Variants in IGF1R observed in about 807,000 individuals in gnomAD.
IGF1R encodes insulin-like growth factor 1 receptor.
Under a neutral mutation model 144.6 loss-of-function variants are expected in IGF1R, and 44 were observed. That is an observed-to-expected ratio of 0.30 (90% CI 0.24 to 0.39). The LOEUF is 0.39. IGF1R is among the 10% of genes least tolerant of loss of function. The pLI, the probability that IGF1R is intolerant of heterozygous loss-of-function variation, is 1.00. For missense variants in IGF1R, 1,355 were observed against 1,833.7 expected, an observed-to-expected ratio of 0.74 and a Z score of 4.77; for synonymous variants, 795 against 722.8, an observed-to-expected ratio of 1.10 and a Z score of -1.60.
intron 2 of IGF1R, among the ~76,000 whole-genome samples, chr15:98,827,647 A>G (rs2056918541): frequency 6.6e-6 from 1 of 152,206 alleles, no homozygotes; most frequent in Admixed American, 6.5e-5. Flanking sequence ...CAGTGGCGCA[A>G]TCTCAGCTCA....
Position 98,908,748 on chromosome 15 carries a change from C to T in IGF1R, c.1311C>T (p.Arg437=), listed in dbSNP as rs2014852193. 2 of 1,614,036 alleles carry T rather than the reference C, an allele frequency of 1.2e-6. No individual in the cohort carries two copies. The highest frequency in any genetic ancestry group is 2.7e-5 in the African/African-American group (2 of 74,906). ...AGCAACTGTGGGACTGGGACCACCG[C>T]AACCTGACCATCAAAGCAGGGAAAA... ...NLQQLWDWDH[R]NLTIKAGKMY... The change falls in exon 6 of 21, where the codon CGC becomes CGT. Residue 437 remains arginine, a synonymous_variant. Transcript: ENST00000650285.
chr15:98,690,021 T>C (rs117578794), intron 1 of IGF1R, among the ~76,000 whole-genome samples: 1,826 of 152,294 alleles, frequency 0.012, 17 homozygotes, highest in Non-Finnish European at 0.016. Flanking sequence ...TGAGGGTTTA[T>C]GATCATTTTC....
Position 98,712,519 on chromosome 15 carries a change from C to T in IGF1R, c.640+4412C>T, listed in dbSNP as rs373158353. 3.0e-4 allele frequency among the ~76,000 whole-genome samples: 45 copies of T among 152,204 alleles called. No individual in the cohort carries two copies. In the South Asian group the frequency reaches 8.7e-3, roughly 29 times the overall value. ...TGGAAATGCTGCTTCAGCTGTGTTC[C>T]TCTGCTCCTCCCCCTTACAGCAGTG... is the stretch of plus-strand genomic sequence containing the variant. On this transcript the variant is annotated intron_variant, in intron 2 of 20. Coordinates refer to ENST00000650285, the MANE Select transcript of IGF1R (RefSeq NM_000875.5).
chr15:98,703,879 C>T (rs1390713007), intron 1 of IGF1R, among the ~76,000 whole-genome samples: 2 of 152,198 alleles, frequency 1.3e-5, no homozygotes, highest in Non-Finnish European at 1.5e-5. Flanking sequence ...TAAATAGATG[C>T]CTAACGCTTT....
rs1461778822 is a variant in IGF1R, at chr15:98,960,483, A to G, written c.*3041A>G. On this transcript the variant is annotated 3_prime_UTR_variant, in exon 21 of 21. Transcript: ENST00000650285. ...GGAATGACCAACACATTTCGTCCTTAAGAGAGCAGTGGTTCCTCAGGTTCT... is the reference window on the plus strand; with the variant it reads ...GGAATGACCAACACATTTCGTCCTTGAGAGAGCAGTGGTTCCTCAGGTTCT... 15 of 233,062 alleles carry G rather than the reference A, an allele frequency of 6.4e-5. No homozygotes were observed. Among genetic ancestry groups the G allele is most frequent in the East Asian group, 3.0e-4 (5 of 16,586 alleles). The allele number at this position is 233,062 out of a possible 1,614,324, so 14.4% of individuals were successfully genotyped here. A position where few individuals can be genotyped will look rare whatever the true frequency, so the allele number is the denominator to read the frequency against.
At chr15:98,866,049 T>C (rs145188799) in intron 2 of IGF1R, among the ~76,000 whole-genome samples, 247 of 152,256 alleles carry the variant, frequency 1.6e-3, no homozygotes, top group Non-Finnish European at 2.8e-3. Flanking sequence ...CGGGGCGCAG[T>C]TTAAAATGAA....
At chr15:98,801,696 A>G (rs2056367628) in intron 2 of IGF1R, among the ~76,000 whole-genome samples, 1 of 152,244 alleles carries the variant, frequency 6.6e-6, no homozygotes, top group Non-Finnish European at 1.5e-5. Flanking sequence ...AGCTATGTGT[A>G]TGGAGTATAA....
At position 98,935,704 on chromosome 15, in the gene IGF1R, C is replaced by T. The variant is rs796113472; in HGVS notation, c.3297+278C>T. The stretch of plus-strand genomic sequence containing the variant: ...ATTCCCTCCACCCCCAGTCCCCTCC[C>T]CACATCAGTGTCCACCTGCCAAGCC... On this transcript the variant is annotated intron_variant, in intron 17 of 20. Coordinates refer to ENST00000650285, the MANE Select transcript of IGF1R (RefSeq NM_000875.5). The surrounding 1 kb of genome is among the most constrained non-coding windows in gnomAD (Gnocchi z 4.2). Among the ~76,000 whole-genome samples, 2 of 152,104 alleles carry T rather than the reference C, an allele frequency of 1.3e-5. No homozygotes were observed. The highest frequency in any genetic ancestry group is 2.9e-5 in the Non-Finnish European group (2 of 68,012).
Position 98,960,783 on chromosome 15 carries a change from C to T in IGF1R, c.*3341C>T, listed in dbSNP as rs1372925505. The T allele has an allele frequency of 8.6e-6, 2 of 233,720 alleles. No homozygotes were observed. Among genetic ancestry groups the T allele is most frequent in the African/African-American group, 4.4e-5 (2 of 45,332 alleles). 14.5% of individuals were successfully genotyped at this position (233,720 alleles called of 1,614,324 possible). ...ATAGAACACACGCAGGAGCAGAGTC[C>T]CCTCCCCCTCCAGGCTGCCCTCTCA... is the stretch of plus-strand genomic sequence containing the variant. On this transcript the variant is annotated 3_prime_UTR_variant, in exon 21 of 21. Transcript: ENST00000650285.
At chr15:98,679,702 C>G (rs1393605638) in intron 1 of IGF1R, among the ~76,000 whole-genome samples, 1 of 149,286 alleles carries the variant, frequency 6.7e-6, no homozygotes, top group Admixed American at 6.7e-5. Context: ...TTAGAGTGTA[C>G]TCCTTATACT....
At chr15:98,742,568 T>C (rs1205686916) in intron 2 of IGF1R, among the ~76,000 whole-genome samples, 1 of 152,200 alleles carries the variant, frequency 6.6e-6, no homozygotes, top group African/African-American at 2.4e-5. Context: ...TAGTGTGGCT[T>C]GATCTGAAAC....
intron 17 of IGF1R, among the ~76,000 whole-genome samples, chr15:98,937,157 A>G (rs1178760293): frequency 6.6e-6 from 1 of 152,182 alleles, no homozygotes; most frequent in Non-Finnish European, 1.5e-5. Flanking sequence ...AAGTGCTGGG[A>G]TTACAGGTGT....
rs1555457179 is a variant in IGF1R at position 98,888,438 on chromosome 15, A to AGAGAGAGTGTGTGT, written c.641-2886_641-2885insAGAGAGTGTGTGTG. ...TGGGGGTTTGATGAGAGAGAGAGAG[A>AGAGAGAGTGTGTGT]GTGTGTGTGTGTGTGTGTGTGTGTG... On this transcript the variant is annotated intron_variant, in intron 2 of 20. Transcript: ENST00000650285. Among the ~76,000 whole-genome samples the AGAGAGAGTGTGTGT allele has an allele frequency of 3.7e-3, 524 of 143,448 alleles. 6 individuals are homozygous for AGAGAGAGTGTGTGT. Among genetic ancestry groups the AGAGAGAGTGTGTGT allele is most frequent in the South Asian group, 4.6e-3 (20 of 4,366 alleles). The allele number at this position is 143,448 out of a possible 152,430, so 94.1% of individuals were successfully genotyped here.
intron 5 of IGF1R, among the ~76,000 whole-genome samples, chr15:98,900,236 G>A (rs965584603): frequency 2.0e-5 from 3 of 152,168 alleles, no homozygotes; most frequent in African/African-American, 7.2e-5. Context: ...GATAAAAGCC[G>A]GTGCTTATTG....
intron 2 of IGF1R, among the ~76,000 whole-genome samples, chr15:98,851,481 C>G (rs2011525819): frequency 6.6e-6 from 1 of 152,186 alleles, no homozygotes; most frequent in Non-Finnish European, 1.5e-5. Context: ...CAGCCTCCCC[C>G]TCCCCGTGGC....
At chr15:98,840,602 C>T (rs1230854319) in intron 2 of IGF1R, among the ~76,000 whole-genome samples, 3 of 152,014 alleles carry the variant, frequency 2.0e-5, no homozygotes, top group Non-Finnish European at 4.4e-5. Context: ...AGGTGTATGC[C>T]ACCACAACTG....
chr15:98,699,944 C>T (rs910730578), intron 1 of IGF1R, among the ~76,000 whole-genome samples: 6 of 152,084 alleles, frequency 3.9e-5, no homozygotes, highest in Admixed American at 6.5e-5. Flanking sequence ...GTTAGGTGGC[C>T]AGGATTGCTG....
intron 1 of IGF1R, among the ~76,000 whole-genome samples, chr15:98,679,651 T>C (rs780130845): frequency 3.9e-5 from 6 of 151,902 alleles, no homozygotes; most frequent in Non-Finnish European, 8.8e-5. Flanking sequence ...TAAACAACCA[T>C]GTTACTGGTG....
rs531426118 is a variant in IGF1R, at chr15:98,821,419, A to G, written c.641-69906A>G. ...ATAAGTTAATAGTAAGTAGACCGTG[A>G]ATTTAGAAGAGTAAAACAGAATCAT... On this transcript the variant is annotated intron_variant, in intron 2 of 20. Transcript: ENST00000650285. Among the ~76,000 whole-genome samples the G allele has an allele frequency of 1.1e-4, 16 of 152,278 alleles. No homozygotes were observed. In the South Asian group the frequency reaches 3.3e-3, roughly 32 times the overall value.
Sources: gnomAD v4.1 joint callset for allele counts (sites outside exome capture counted in the v4.1 genomes callset) on GRCh38, gnomAD v4.1.1 for gene constraint, Gnocchi (gnomAD v3.1) non-coding constraint, MANE v1.5 for transcripts, NCBI Gene and HGNC (gene_info 2026-07-23, HGNC 2026-07-21) for gene names.